Variants in TSNARE1 observed in about 807,000 individuals in gnomAD.
The protein encoded by TSNARE1 is t-SNARE domain containing 1.
Under a neutral mutation model 62.0 loss-of-function variants are expected in TSNARE1, and 49 were observed. That is an observed-to-expected ratio of 0.79 (90% CI 0.63 to 1.00). TSNARE1 has a LOEUF of 1.00. TSNARE1 is among the 50% of genes least tolerant of loss of function. The pLI is 0.00. For synonymous variants in TSNARE1, 328 were observed against 294.4 expected (o/e 1.11, Z -1.17); for missense variants, 755 against 700.1 (o/e 1.08, Z -0.88).
At chr8:142,280,409 G>C in intron 11 of TSNARE1, 2 of 835,824 alleles carry the variant, frequency 2.4e-6, no homozygotes, top group Non-Finnish European at 2.9e-6. Flanking sequence ...CACAGGCCCT[G>C]CATCTGTGCA....
intron 13 of TSNARE1, among the ~76,000 whole-genome samples, chr8:142,227,484 C>T (rs1816893728): frequency 6.6e-6 from 1 of 151,966 alleles, no homozygotes; most frequent in Admixed American, 6.5e-5. Flanking sequence ...CAGCCAGGCC[C>T]CCATTCCTGC....
At chr8:142,277,492 C>G (rs1024691015) in intron 11 of TSNARE1, 1 of 985,364 alleles carries the variant, frequency 1.0e-6, no homozygotes, top group Non-Finnish European at 1.2e-6. Context: ...CGCTGCAGAG[C>G]GGAAAGCATG....
chr8:142,288,877 G>A (rs1823274887), intron 10 of TSNARE1, among the ~76,000 whole-genome samples: 1 of 152,256 alleles, frequency 6.6e-6, no homozygotes, highest in South Asian at 2.1e-4. Flanking sequence ...TGCCTCCTGT[G>A]AGAGGGGACC....
At chr8:142,340,102 G>A (rs915099409) in intron 4 of TSNARE1, among the ~76,000 whole-genome samples, 2 of 152,228 alleles carry the variant, frequency 1.3e-5, no homozygotes, top group Admixed American at 6.5e-5. Context: ...CCAGGAAGGC[G>A]GACGGCATCA....
chr8:142,239,254 A>G (rs747058757), intron 12 of TSNARE1, among the ~76,000 whole-genome samples: 3 of 152,190 alleles, frequency 2.0e-5, no homozygotes, highest in Non-Finnish European at 4.4e-5. Flanking sequence ...CCCAGAGCAG[A>G]CACCCCTCCT....
intron 13 of TSNARE1, among the ~76,000 whole-genome samples, chr8:142,213,638 G>A (rs1178712592): frequency 6.6e-6 from 1 of 152,186 alleles, no homozygotes; most frequent in Non-Finnish European, 1.5e-5. Context: ...AGCAGAGGAA[G>A]GAGGCAGCTG....
At chr8:142,357,890 G>A (rs987083572) in intron 1 of TSNARE1, among the ~76,000 whole-genome samples, 4 of 152,250 alleles carry the variant, frequency 2.6e-5, no homozygotes, top group Admixed American at 6.5e-5. Context: ...CAGAGGCCAC[G>A]AAAGCCACGG....
At chr8:142,226,530 C>G (rs1235682964) in intron 13 of TSNARE1, among the ~76,000 whole-genome samples, 3 of 152,126 alleles carry the variant, frequency 2.0e-5, no homozygotes, top group Non-Finnish European at 4.4e-5. Flanking sequence ...GGAGGGGGAC[C>G]CTGGTGGCCC....
intron 10 of TSNARE1, among the ~76,000 whole-genome samples, chr8:142,295,109 A>G (rs1006894745): frequency 3.3e-5 from 5 of 152,298 alleles, no homozygotes; most frequent in Admixed American, 6.5e-5. Flanking sequence ...GTGAGTACAC[A>G]GTGGAGACAG....
chr8:142,284,452 C>G lies in TSNARE1; in HGVS notation c.1324G>C (p.Asp442His). The G allele has an allele frequency of 6.2e-7, 1 of 1,613,794 alleles. No homozygotes were observed. Among genetic ancestry groups the G allele is most frequent in the Non-Finnish European group, 8.5e-7 (1 of 1,179,980 alleles). Residue 442 changes from aspartate (D) to histidine (H), a missense_variant, in exon 11 of 14, where the codon GAC becomes CAC. Transcript: ENST00000524325. ...TGCTCTGACACCATGGAGGCCAAGT[C>G]CTTGATGATCTGATTCACATCCAGC... ...NLLDVNQIIK[D>H]LASMVSEQGE... is the part of the protein sequence containing the mutation.
intron 1 of TSNARE1, among the ~76,000 whole-genome samples, chr8:142,355,626 C>A (rs1221463033): frequency 6.6e-6 from 1 of 152,202 alleles, no homozygotes; most frequent in Non-Finnish European, 1.5e-5. Flanking sequence ...TGCAGGGGTC[C>A]CTGTGCGGGC....
At chr8:142,301,533 G>A (rs986471617) in intron 9 of TSNARE1, among the ~76,000 whole-genome samples, 3 of 134,170 alleles carry the variant, frequency 2.2e-5, no homozygotes, top group African/African-American at 5.5e-5. Flanking sequence ...TCAGGAGCCC[G>A]GCCACAGTGC....
At chr8:142,279,945 G>A (rs999832838) in intron 11 of TSNARE1, 6 of 1,106,922 alleles carry the variant, frequency 5.4e-6, no homozygotes, top group Admixed American at 1.1e-4. Context: ...CAGGTGTGAG[G>A]AGGAGGCCGG....
intron 12 of TSNARE1, among the ~76,000 whole-genome samples, chr8:142,237,901 C>T (rs991240191): frequency 5.9e-5 from 9 of 152,130 alleles, no homozygotes; most frequent in African/African-American, 2.2e-4. Flanking sequence ...AGAGAAGCGT[C>T]GGGTTGGGGG....
intron 11 of TSNARE1, 143 bp from the exon 12 acceptor site, chr8:142,275,006 C>G (rs1188405731): frequency 1.2e-5 from 16 of 1,370,414 alleles, no homozygotes; most frequent in Non-Finnish European, 1.5e-5. Flanking sequence ...CGCTGGGCTG[C>G]CAGACGTGCC....
chr8:142,222,121 T>TTCACTCACTCATCCACTCTCAC (rs1816306115), intron 13 of TSNARE1, among the ~76,000 whole-genome samples: 1 of 107,344 alleles, frequency 9.3e-6, no homozygotes, highest in African/African-American at 3.8e-5. Flanking sequence ...CATCCACTCA[T>TTCACTCACTCATCCACTCTCAC]TCACTCACTC....
chr8:142,345,778 G>T lies in TSNARE1; in HGVS notation c.203C>A (p.Ala68Glu), dbSNP rs757378882. 5 of 1,613,300 alleles carry T rather than the reference G, an allele frequency of 3.1e-6. No individual in the cohort carries two copies. In the South Asian group the frequency reaches 5.5e-5, roughly 18 times the overall value. Reference sequence around the variant, plus strand: ...GGCCCTTGGGACAATAGGCGTGCCTGCTGGCCCCAGATCACCTTCCCCGTC... The same window carrying T: ...GGCCCTTGGGACAATAGGCGTGCCTTCTGGCCCCAGATCACCTTCCCCGTC... ...GKDGEGDLGP[A>E]GTPIVPRARK... The change falls in exon 3 of 14, where the codon GCA becomes GAA. Residue 68 changes from alanine to glutamate, a missense_variant. Ala to Glu is a moderately radical substitution (Grantham distance 107). Transcript: ENST00000524325.
intron 2 of TSNARE1, among the ~76,000 whole-genome samples, chr8:142,346,870 T>C (rs1833440279): frequency 6.6e-6 from 1 of 152,294 alleles, no homozygotes; most frequent in Admixed American, 6.5e-5. Flanking sequence ...TCAGGATCCG[T>C]CTAGGGGGAC....
intron 12 of TSNARE1, among the ~76,000 whole-genome samples, chr8:142,255,470 CCACCACCATCACCATCAT>C (rs1273540923): frequency 1.6e-5 from 1 of 62,754 alleles, no homozygotes; most frequent in Non-Finnish European, 2.9e-5. Flanking sequence ...ATCACCATCA[CCACCACCATCACCATCAT>C]CATCACCACC....
Sources: allele counts gnomAD v4.1 joint callset (sites outside exome capture counted in the v4.1 genomes callset), GRCh38; gene constraint gnomAD v4.1.1; transcripts MANE v1.5; gene names NCBI Gene and HGNC (gene_info 2026-07-23, HGNC 2026-07-21).